PDE8B: variants seen among roughly 807,000 people sequenced by gnomAD.
PDE8B encodes the protein high affinity cAMP-specific and IBMX-insensitive 3',5'-cyclic phosphodiesterase 8B.
A neutral mutation model predicts 101.3 loss-of-function variants in PDE8B; 26 were observed. The observed-to-expected ratio is 0.26, with a 90% CI of 0.19 to 0.36. The LOEUF (loss-of-function observed/expected upper bound fraction) is 0.36. PDE8B is among the 10% of genes least tolerant of loss of function. The pLI is 1.00. For synonymous variants in PDE8B, 424 were observed against 429.3 expected (o/e 0.99, Z 0.15); for missense variants, 810 against 1,163.1 (o/e 0.70, Z 4.42).
rs1221634835 is a variant in PDE8B, at chr5:77,291,293, G to T, written c.340-20701G>T. 22 of 1,612,906 alleles carry T rather than the reference G, an allele frequency of 1.4e-5. No individual in the cohort carries two copies. The East Asian group carries it at 4.9e-4, about 36-fold the overall frequency. Reference sequence around the variant, plus strand: ...CATGGGACCCTAATGTTCTCTATGGGCCACTCCACACCAAGCAGGCAGTGA... The same window carrying T: ...CATGGGACCCTAATGTTCTCTATGGTCCACTCCACACCAAGCAGGCAGTGA... On this transcript the variant is annotated intron_variant, in intron 1 of 21. Transcript: ENST00000264917.
chr5:77,090,830 G>A, the PDE8B span, among the ~76,000 whole-genome samples: 1 of 152,054 alleles, frequency 6.6e-6, no homozygotes, highest in Non-Finnish European at 1.5e-5. Flanking sequence ...CACTTAGATT[G>A]TTACCATATC....
At chr5:77,116,433 A>G in the PDE8B span, among the ~76,000 whole-genome samples, 50,390 of 151,600 alleles carry the variant, frequency 0.33, 8,965 homozygotes, top group South Asian at 0.39. Context: ...AAAGAGATGG[A>G]GTTTCACCAT....
rs964438438 is a variant in PDE8B, at chr5:77,346,075, A to T, written c.876+1144A>T. On this transcript the variant is annotated intron_variant, in intron 7 of 21. Transcript: ENST00000264917. ...AACTGAGTCCCAACAAGGCCAAGGA[A>T]CTTATCCAAGGAAAGCCTTAGTAAT... 3.9e-5 allele frequency among the ~76,000 whole-genome samples: 6 copies of T among 152,220 alleles called. 1 individual carries two copies. The highest frequency in any genetic ancestry group is 3.3e-4 in the Admixed American group (5 of 15,282).
chr5:77,395,192 C>A (rs190366018), intron 10 of PDE8B, among the ~76,000 whole-genome samples: 3 of 151,998 alleles, frequency 2.0e-5, no homozygotes, highest in East Asian at 3.9e-4. Context: ...TCTCGGCACA[C>A]TGCAAGCTCC....
chr5:77,426,286 C>G (rs1798121718), intron 21 of PDE8B, 159 bp from the exon 22 acceptor site: 1 of 668,438 alleles, frequency 1.5e-6, no homozygotes, highest in African/African-American at 1.8e-5. Context: ...GACCTGTTTG[C>G]ATTTCAGAAA....
In PDE8B at chr5:77,285,315, G is replaced by A. The variant is rs146431047; in HGVS notation, c.340-26679G>A. ...CTCCTCAACAGTCAGGTTTCCTTCT[G>A]GTATCATTTCCTTTAATCTGAAATA... On this transcript the variant is annotated intron_variant, in intron 1 of 21. Transcript: ENST00000264917. Among the ~76,000 whole-genome samples the A allele has an allele frequency of 1.4e-3, 211 of 152,146 alleles. 1 individual carries two copies. Among genetic ancestry groups the A allele is most frequent in the Non-Finnish European group, 2.4e-3 (163 of 67,962 alleles).
intron 13 of PDE8B, among the ~76,000 whole-genome samples, chr5:77,408,487 G>A (rs1233273375): frequency 6.6e-6 from 1 of 152,180 alleles, no homozygotes; most frequent in Non-Finnish European, 1.5e-5. Context: ...GGAATTGAAT[G>A]TACAAGCCTG....
chr5:77,258,869 C>A (rs1422344922), intron 1 of PDE8B, among the ~76,000 whole-genome samples: 2 of 151,952 alleles, frequency 1.3e-5, no homozygotes, highest in African/African-American at 4.8e-5. Flanking sequence ...GGCTTTTCCT[C>A]CTCCTGTACA....
intron 6 of PDE8B, among the ~76,000 whole-genome samples, chr5:77,342,356 G>C (rs765843877): frequency 2.0e-5 from 3 of 151,934 alleles, no homozygotes; most frequent in Non-Finnish European, 4.4e-5. Context: ...GGAAACTGAG[G>C]GCCATTGAAG....
chr5:77,276,201 C>T (rs570358358), intron 1 of PDE8B, among the ~76,000 whole-genome samples: 7 of 152,284 alleles, frequency 4.6e-5, no homozygotes, highest in South Asian at 2.1e-4. Flanking sequence ...CACTGATGTC[C>T]TTCCTGTTTC....
At chr5:77,362,244 TTTCTGGA>T (rs1258899970) in intron 10 of PDE8B, among the ~76,000 whole-genome samples, 3 of 152,230 alleles carry the variant, frequency 2.0e-5, no homozygotes, top group African/African-American at 7.2e-5. Context: ...ATTGTTTGAT[TTTCTGGA>T]ATTTTGTGAT....
the PDE8B span, among the ~76,000 whole-genome samples, chr5:77,175,167 C>G: frequency 6.6e-6 from 1 of 152,276 alleles, no homozygotes; most frequent in East Asian, 1.9e-4. Flanking sequence ...ATCCATCTCC[C>G]CTGCCTTCTG....
At chr5:77,288,932 A>G (rs1400198282) in intron 1 of PDE8B, among the ~76,000 whole-genome samples, 2 of 149,922 alleles carry the variant, frequency 1.3e-5, no homozygotes, top group African/African-American at 2.5e-5. Context: ...GTCCAAGAAG[A>G]TTCTTCTCAT....
chr5:77,387,650 G>C (rs950256334), intron 10 of PDE8B, among the ~76,000 whole-genome samples: 4 of 151,712 alleles, frequency 2.6e-5, no homozygotes, highest in Non-Finnish European at 5.9e-5. Flanking sequence ...AGTTCTCCTG[G>C]ATAATATCCT....
the PDE8B span, among the ~76,000 whole-genome samples, chr5:77,127,801 A>G: frequency 6.6e-6 from 1 of 152,120 alleles, no homozygotes; most frequent in African/African-American, 2.4e-5. Context: ...GATGAAAATT[A>G]ATCTAGTGAC....
At chr5:77,375,950 TG>T (rs1786039791) in intron 10 of PDE8B, among the ~76,000 whole-genome samples, 1 of 142,864 alleles carries the variant, frequency 7.0e-6, no homozygotes, top group South Asian at 2.2e-4. Context: ...TGGAGTGCAG[TG>T]GTGCAGTCTC....
intron 2 of PDE8B, among the ~76,000 whole-genome samples, chr5:77,314,412 C>T (rs1773339918): frequency 6.6e-6 from 1 of 152,172 alleles, no homozygotes; most frequent in East Asian, 1.9e-4. Context: ...TTGTCAATTT[C>T]TGTGGGGGCT....
At chr5:77,321,670 G>T (rs1775113934) in intron 2 of PDE8B, among the ~76,000 whole-genome samples, 1 of 152,066 alleles carries the variant, frequency 6.6e-6, no homozygotes, top group Non-Finnish European at 1.5e-5. Context: ...TTACTATAGT[G>T]TTTTACTCTG....
At chr5:77,301,271 G>T (rs1432751723) in intron 1 of PDE8B, among the ~76,000 whole-genome samples, 1 of 152,196 alleles carries the variant, frequency 6.6e-6, no homozygotes, top group Non-Finnish European at 1.5e-5. Flanking sequence ...TGATAAAATT[G>T]AGGACAGAGG....
Sources: gnomAD v4.1 joint callset for allele counts (sites outside exome capture counted in the v4.1 genomes callset) on GRCh38, gnomAD v4.1.1 for gene constraint, MANE v1.5 for transcripts, NCBI Gene and HGNC (gene_info 2026-07-23, HGNC 2026-07-21) for gene names.